FGD6: variants seen among roughly 807,000 people sequenced by gnomAD.
FGD6 encodes the protein FYVE, RhoGEF and PH domain-containing protein 6.
FGD6 carries 90 observed loss-of-function variants against 149.4 expected under a neutral mutation model. That is an observed-to-expected ratio of 0.60 (90% confidence interval 0.51 to 0.72). The LOEUF is 0.72. Among genes scored for constraint, FGD6 ranks in the 30% least tolerant of loss-of-function variants. FGD6 has a pLI of 0.00. For synonymous variants in FGD6, 527 were observed against 584.0 expected (o/e 0.90, Z 1.41); for missense variants, 1,437 against 1,684.8 (o/e 0.85, Z 2.57).
chr12:95,177,773 T>C (rs1881173510), intron 2 of FGD6, among the ~76,000 whole-genome samples: 1 of 152,184 alleles, frequency 6.6e-6, no homozygotes, highest in South Asian at 2.1e-4. Context: ...ATAAAATTGG[T>C]ATACAATTTT....
intron 2 of FGD6, among the ~76,000 whole-genome samples, chr12:95,199,095 C>T (rs1269867698): frequency 2.6e-5 from 4 of 152,184 alleles, no homozygotes; most frequent in African/African-American, 9.6e-5. Context: ...TGTGCAACAA[C>T]TAAGATCACT....
intron 8 of FGD6, chr12:95,116,870 A>C (rs933339445): frequency 6.6e-6 from 3 of 455,872 alleles, no homozygotes; most frequent in Non-Finnish European, 1.3e-5. Context: ...GGATCTCCTT[A>C]AACAGTTAAG....
chr12:95,215,537 T>A (rs1403356405), intron 1 of FGD6, among the ~76,000 whole-genome samples: 1 of 152,164 alleles, frequency 6.6e-6, no homozygotes, highest in Non-Finnish European at 1.5e-5. Context: ...ATCCAACAGA[T>A]GGGTGAGCAA....
intron 8 of FGD6, among the ~76,000 whole-genome samples, chr12:95,125,366 C>T (rs1879304633): frequency 6.6e-6 from 1 of 152,212 alleles, no homozygotes; most frequent in Non-Finnish European, 1.5e-5. Context: ...GGTGTAGTGG[C>T]TCATGCCTAT....
chr12:95,156,719 G>A (rs1034040440), intron 3 of FGD6, among the ~76,000 whole-genome samples: 1 of 151,940 alleles, frequency 6.6e-6, no homozygotes, highest in African/African-American at 2.4e-5. Context: ...TTACGGCTCA[G>A]GGGGCATCAC....
At chr12:95,212,042 C>T (rs1231493451) in intron 1 of FGD6, among the ~76,000 whole-genome samples, 1 of 152,092 alleles carries the variant, frequency 6.6e-6, no homozygotes, top group African/African-American at 2.4e-5. Context: ...AAAAGGAAGA[C>T]AGAAATCAGA....
chr12:95,134,253 C>T (rs997320583), intron 8 of FGD6, among the ~76,000 whole-genome samples: 3 of 152,110 alleles, frequency 2.0e-5, no homozygotes, highest in Non-Finnish European at 2.9e-5. Context: ...GTGTCCACTG[C>T]ACCCAGCTAC....
intron 8 of FGD6, among the ~76,000 whole-genome samples, chr12:95,132,096 A>T (rs1879537430): frequency 6.6e-6 from 1 of 152,222 alleles, no homozygotes; most frequent in African/African-American, 2.4e-5. Context: ...AGTAAGAGGT[A>T]GCTCAAACTA....
chr12:95,206,952 T>C (rs1157790692), intron 2 of FGD6, among the ~76,000 whole-genome samples: 6 of 151,530 alleles, frequency 4.0e-5, no homozygotes, highest in African/African-American at 2.4e-5. Flanking sequence ...CTTGGTACGC[T>C]GACTTGCTCG....
rs751634381 is a variant in FGD6, at chr12:95,085,838, CA to C, written c.4048del (p.Trp1350GlyfsTer8). The C allele has an allele frequency of 1.2e-6, 2 of 1,613,712 alleles. No individual in the cohort carries two copies. Among genetic ancestry groups the C allele is most frequent in the Non-Finnish European group, 8.5e-7 (1 of 1,179,856 alleles). ...LYRSKGNKKP[W>X]KHFWFVIKNK... ...TTTTATGACAAACCAAAAGTGTTTCCAGGGTTTTTTATTGCCCTTTGATCTG... is the reference window on the plus strand; with the variant it reads ...TTTTATGACAAACCAAAAGTGTTTCCGGGTTTTTTATTGCCCTTTGATCTG... On this transcript the variant is annotated frameshift_variant, in exon 19 of 21. Coordinates refer to ENST00000343958, the MANE Select transcript of FGD6 (RefSeq NM_018351.4). LOFTEE classifies it high-confidence loss of function.
At chr12:95,116,941 A>G (rs1054367954) in intron 8 of FGD6, 3 of 455,710 alleles carry the variant, frequency 6.6e-6, no homozygotes, top group African/African-American at 6.0e-5. Flanking sequence ...GTCAGATGGG[A>G]GGAACAGGAA....
chr12:95,198,122 C>A (rs75048526), intron 2 of FGD6, among the ~76,000 whole-genome samples: 4,586 of 152,258 alleles, frequency 0.03, 148 homozygotes, highest in Middle Eastern at 0.095. Flanking sequence ...GATTCACAGA[C>A]CTCTACCAAT....
In FGD6 at chr12:95,217,124, C is replaced by A; in HGVS notation, c.16+101G>T. On this transcript the variant is annotated intron_variant, in intron 1 of 20. Coordinates refer to ENST00000343958, the MANE Select transcript of FGD6 (RefSeq NM_018351.4). The stretch of plus-strand genomic sequence containing the variant: ...CGAGGTGCTCGGCAAAGGTACGGGG[C>A]ACACAACTCGCCCACCCCGGCGAAG... 3 of 1,550,932 alleles carry A rather than the reference C, an allele frequency of 1.9e-6. No homozygotes were observed. The South Asian group carries it at 3.5e-5, about 18-fold the overall frequency.
intron 2 of FGD6, among the ~76,000 whole-genome samples, chr12:95,190,327 G>A (rs1377320933): frequency 6.6e-6 from 1 of 152,012 alleles, no homozygotes; most frequent in African/African-American, 2.4e-5. Context: ...CCACCACTGC[G>A]CCCGGCTACT....
chr12:95,084,483 G>A lies in FGD6; in HGVS notation c.4256+15C>T. 2 of 1,512,576 alleles carry A rather than the reference G, an allele frequency of 1.3e-6. No homozygotes were observed. The highest frequency in any genetic ancestry group is 8.8e-7 in the Non-Finnish European group (1 of 1,137,018). 93.7% of individuals were successfully genotyped at this position (1,512,576 alleles called of 1,614,324 possible). A position where few individuals can be genotyped will look rare whatever the true frequency, so the allele number is the denominator to read the frequency against. On this transcript the variant is annotated intron_variant, in intron 20 of 20. Coordinates refer to ENST00000343958, the MANE Select transcript of FGD6 (RefSeq NM_018351.4). ...AATCTCATGAATAAAAGAAAAATAT[G>A]GCCAGATTACTTACTTCTGAGCCGA... is the stretch of plus-strand genomic sequence containing the variant.
At chr12:95,204,869 C>T (rs1025240818) in intron 2 of FGD6, among the ~76,000 whole-genome samples, 12 of 152,340 alleles carry the variant, frequency 7.9e-5, no homozygotes, top group South Asian at 6.2e-4. Flanking sequence ...TTGGGAAATA[C>T]ACTCTGAGTT....
At chr12:95,172,808 A>C in intron 2 of FGD6, 64 bp from the exon 3 acceptor site, 2 of 1,306,328 alleles carry the variant, frequency 1.5e-6, no homozygotes, top group Non-Finnish European at 1.0e-6. Context: ...CAAAACAAAA[A>C]CCAAATCAAC....
intron 3 of FGD6, among the ~76,000 whole-genome samples, chr12:95,164,192 T>C (rs1880726626): frequency 6.6e-6 from 1 of 151,788 alleles, no homozygotes; most frequent in South Asian, 2.1e-4. Context: ...AGTTTTATGT[T>C]CCAATCTCTT....
intron 8 of FGD6, 63 bp downstream of exon 8, chr12:95,134,676 G>T: frequency 6.9e-7 from 1 of 1,448,980 alleles, no homozygotes; most frequent in Non-Finnish European, 9.6e-7. Context: ...TTTCATAAAG[G>T]CAAGAAGAGT....
Sources: gnomAD v4.1 joint callset for allele counts (sites outside exome capture counted in the v4.1 genomes callset) on GRCh38, gnomAD v4.1.1 for gene constraint, MANE v1.5 for transcripts, NCBI Gene and HGNC (gene_info 2026-07-23, HGNC 2026-07-21) for gene names.